TACC3: variants seen among roughly 807,000 people sequenced by gnomAD.
TACC3 encodes the protein transforming acidic coiled-coil-containing protein 3.
A neutral mutation model predicts 86.0 loss-of-function variants in TACC3; 52 were observed. The observed-to-expected ratio is 0.60, with a 90% CI of 0.48 to 0.76. TACC3 has a LOEUF of 0.76. TACC3 is among the 30% of genes least tolerant of loss of function. The pLI, the probability that TACC3 is intolerant of heterozygous loss-of-function variation, is 0.00. For missense variants in TACC3, 1,120 were observed against 1,070.4 expected (o/e 1.05, Z -0.65); for synonymous variants, 512 against 430.0 (o/e 1.19, Z -2.36).
intron 1 of TACC3, 160 bp from the exon 2 acceptor site, chr4:1,723,261 T>A (rs969735536): frequency 2.9e-5 from 21 of 715,600 alleles, no homozygotes; most frequent in Non-Finnish European, 4.2e-5. Context: ...AGTCTGAGGC[T>A]TTCTCTGCCA....
chr4:1,724,989 T>C (rs1385203725), intron 3 of TACC3, among the ~76,000 whole-genome samples: 2 of 139,936 alleles, frequency 1.4e-5, no homozygotes, highest in South Asian at 4.6e-4. Flanking sequence ...TGGAGTGCAA[T>C]GGTGCGATCT....
Position 1,731,252 on chromosome 4 carries a change from G to A in TACC3, c.1542G>A (p.Gly514=). The A allele has an allele frequency of 6.2e-7, 1 of 1,613,372 alleles. No individual in the cohort carries two copies. Among genetic ancestry groups the A allele is most frequent in the Non-Finnish European group, 8.5e-7 (1 of 1,180,016 alleles). The change falls in exon 6 of 16, where the codon GGG becomes GGA. Residue 514 remains glycine (G), a synonymous_variant. Coordinates refer to ENST00000313288, the MANE Select transcript of TACC3 (RefSeq NM_006342.3). ...GSEPVPTHQQ[G]QPALELKEES... is the part of the protein sequence containing the mutation. The stretch of plus-strand genomic sequence containing the variant: ...AGCCAGTGCCCACCCATCAGCAGGG[G>A]CAGCCTGCCTTGGAGCTGAAAGAGG...
At chr4:1,741,095 TC>T in intron 13 of TACC3, 109 bp downstream of exon 13, 1 of 1,111,152 alleles carries the variant, frequency 9.0e-7, no homozygotes, top group Non-Finnish European at 1.3e-6. Context: ...TGGCCAAGCC[TC>T]CCCTTGCCAC....
At chr4:1,721,702 C>A (rs1717374208) in intron 1 of TACC3, 59 bp downstream of exon 1, 1 of 151,546 alleles carries the variant, frequency 6.6e-6, no homozygotes, top group Non-Finnish European at 1.5e-5. Flanking sequence ...GAGGCCGTCC[C>A]GCCCCGCCCC....
chr4:1,736,782 C>T (rs1266814313), intron 8 of TACC3, among the ~76,000 whole-genome samples: 3 of 152,096 alleles, frequency 2.0e-5, no homozygotes, highest in East Asian at 1.9e-4. Flanking sequence ...AGGCGGCAGG[C>T]GCCTGTAATC....
Position 1,728,019 on chromosome 4 carries a change from G to GCAGGACAGAGTCC in TACC3, c.621_633dup (p.His212AspfsTer50), listed in dbSNP as rs1423876438. The GCAGGACAGAGTCC allele has an allele frequency of 6.2e-7, 1 of 1,613,064 alleles. No homozygotes were observed. Among genetic ancestry groups the GCAGGACAGAGTCC allele is most frequent in the Non-Finnish European group, 8.5e-7 (1 of 1,180,042 alleles). ...GCCTCTGAGACCCTAGAAGACCCTT[G>GCAGGACAGAGTCC]CAGGACAGAGTCCCAGCACAAAGCG... On this transcript the variant is annotated frameshift_variant, in exon 4 of 16. Coordinates refer to ENST00000313288, the MANE Select transcript of TACC3 (RefSeq NM_006342.3). LOFTEE classifies it high-confidence loss of function.
chr4:1,729,351 A>T (rs923768284), intron 4 of TACC3, among the ~76,000 whole-genome samples: 2 of 152,112 alleles, frequency 1.3e-5, no homozygotes, highest in Non-Finnish European at 2.9e-5. Flanking sequence ...CAAGAAAAAG[A>T]CAGAAGAAAA....
At chr4:1,740,573 C>A (rs1279719982) in intron 12 of TACC3, 1 of 434,090 alleles carries the variant, frequency 2.3e-6, no homozygotes, top group Non-Finnish European at 4.1e-6. Context: ...GTGTTGGGCG[C>A]CGCCTCTTCA....
At position 1,739,007 on chromosome 4, in the gene TACC3, G is replaced by A. The variant is rs189417075; in HGVS notation, c.1942-695G>A. Among the ~76,000 whole-genome samples the A allele has an allele frequency of 9.9e-4, 150 of 152,254 alleles. 2 individuals carry two copies. In the Middle Eastern group the frequency reaches 0.024, roughly 24 times the overall value. ...CGAAGAGAACCAGGAATTTTAAATG[G>A]AGAATCAAAGAAGAGATCTGGCCGG... On this transcript the variant is annotated intron_variant, in intron 10 of 15. Transcript: ENST00000313288.
At chr4:1,722,579 G>A (rs61337960) in intron 1 of TACC3, among the ~76,000 whole-genome samples, 19,551 of 152,084 alleles carry the variant, frequency 0.13, 1,581 homozygotes, top group Non-Finnish European at 0.18. Flanking sequence ...TCTTCTCCAG[G>A]ACCCTCCCCA....
chr4:1,735,586 GTC>G lies in TACC3; in HGVS notation c.1645-142_1645-141del. 1 of 766,380 alleles carries G rather than the reference GTC, an allele frequency of 1.3e-6. No individual in the cohort carries two copies. The highest frequency in any genetic ancestry group is 1.5e-5 in the South Asian group (1 of 67,284). 47.5% of individuals were successfully genotyped at this position (766,380 alleles called of 1,614,324 possible). The stretch of plus-strand genomic sequence containing the variant: ...ACGCTGTGCTGCTGGGAATGGTGGT[GTC>G]TCGGGCAGGGTTGTGGGTGACCGGG... On this transcript the variant is annotated intron_variant, in intron 7 of 15. Transcript: ENST00000313288. This position sits in a 1 kb window ranked among gnomAD's most constrained non-coding sequence, Gnocchi z 4.2.
At chr4:1,726,250 G>A (rs547313017) in intron 3 of TACC3, among the ~76,000 whole-genome samples, 8 of 152,300 alleles carry the variant, frequency 5.3e-5, no homozygotes, top group East Asian at 1.9e-4. Flanking sequence ...TGTAGCAGGC[G>A]CCATCCCAGG....
rs1718207479 is a variant in TACC3, at chr4:1,735,441, C to G, written c.1644+116C>G. ...CACGTCCCCCCAGCTGCACACAGGC[C>G]CAGGCATTGTGGCGGGCTGTGAATC... On this transcript the variant is annotated intron_variant, in intron 7 of 15. Coordinates refer to ENST00000313288, the MANE Select transcript of TACC3 (RefSeq NM_006342.3). This position sits in a 1 kb window ranked among gnomAD's most constrained non-coding sequence, Gnocchi z 4.2. 1.6e-6 allele frequency: 2 copies of G among 1,222,510 alleles called. No individual in the cohort carries two copies. The highest frequency in any genetic ancestry group is 2.4e-6 in the Non-Finnish European group (2 of 841,496). 75.7% of individuals were successfully genotyped at this position (1,222,510 alleles called of 1,614,324 possible).
At chr4:1,721,386 G>GA (rs1553824348), upstream of TACC3, 2 of 142,668 alleles carry the variant, frequency 1.4e-5, no homozygotes, top group Non-Finnish European at 3.1e-5. Context: ...GGTGGGGGGG[G>GA]AGGGAGGGCG....
chr4:1,721,302 G>A (rs1717329928), upstream of TACC3: 2 of 146,184 alleles, frequency 1.4e-5, no homozygotes, highest in African/African-American at 5.0e-5. Context: ...GCGACTGCGA[G>A]CCCGGGGTCT....
chr4:1,736,062 G>A (rs1266773879), intron 8 of TACC3, among the ~76,000 whole-genome samples: 1 of 152,232 alleles, frequency 6.6e-6, no homozygotes, highest in Non-Finnish European at 1.5e-5. Context: ...TGCCTTGCTG[G>A]TTACAGCCAC....
In TACC3 at chr4:1,735,588, C is replaced by T; in HGVS notation, c.1645-143C>T. On this transcript the variant is annotated intron_variant, in intron 7 of 15. Transcript: ENST00000313288. This position sits in a 1 kb window ranked among gnomAD's most constrained non-coding sequence, Gnocchi z 4.2. ...GCTGTGCTGCTGGGAATGGTGGTGTCTCGGGCAGGGTTGTGGGTGACCGGG... is the reference window on the plus strand; with the variant it reads ...GCTGTGCTGCTGGGAATGGTGGTGTTTCGGGCAGGGTTGTGGGTGACCGGG... The T allele has an allele frequency of 2.6e-6, 2 of 773,260 alleles. No homozygotes were observed. The highest frequency in any genetic ancestry group is 4.5e-6 in the Non-Finnish European group (2 of 447,972). 47.9% of individuals were successfully genotyped at this position (773,260 alleles called of 1,614,324 possible). A position where few individuals can be genotyped will look rare whatever the true frequency, so the allele number is the denominator to read the frequency against.
intron 8 of TACC3, among the ~76,000 whole-genome samples, chr4:1,736,422 C>CAA (rs1164866581): frequency 0.3 from 19,943 of 65,630 alleles, 3,410 homozygotes; most frequent in East Asian, 0.57. Flanking sequence ...GACTCCATCT[C>CAA]AAAAAAAAAA....
At chr4:1,736,732 A>G (rs1718285695) in intron 8 of TACC3, among the ~76,000 whole-genome samples, 1 of 151,924 alleles carries the variant, frequency 6.6e-6, no homozygotes. Context: ...AACATAGTGA[A>G]CCCCCATCTC....
Sources: allele counts gnomAD v4.1 joint callset (sites outside exome capture counted in the v4.1 genomes callset), GRCh38; gene constraint gnomAD v4.1.1; non-coding constraint Gnocchi (gnomAD v3.1); transcripts MANE v1.5; gene names NCBI Gene and HGNC (gene_info 2026-07-23, HGNC 2026-07-21).